ADGRV1: variants seen among roughly 807,000 people sequenced by gnomAD.
ADGRV1 encodes the protein G-protein coupled receptor 98.
In ADGRV1, 359 loss-of-function variants were observed where a neutral mutation model predicts 596.2. The observed-to-expected ratio is 0.60, with a 90% CI of 0.55 to 0.66. The LOEUF (loss-of-function observed/expected upper bound fraction) is 0.66. ADGRV1 is among the 30% of genes least tolerant of loss of function. The probability of loss-of-function intolerance (pLI) is 0.00; values close to 1 mark genes in which losing one functional copy is unlikely to be tolerated. For missense variants in ADGRV1, 7,274 were observed against 7,575.6 expected, an observed-to-expected ratio of 0.96 and a Z score of 1.48; for synonymous variants, 2,681 against 2,679.2, an observed-to-expected ratio of 1.00 and a Z score of -0.02.
chr5:90,924,475 G>T (rs1252961767), intron 83 of ADGRV1, among the ~76,000 whole-genome samples: 46 of 150,948 alleles, frequency 3.0e-4, no homozygotes, highest in African/African-American at 1.1e-3. Flanking sequence ...TTTTGAGGGG[G>T]TTGTTTTTTT....
At chr5:90,821,793 G>A (rs1252685514) in intron 75 of ADGRV1, among the ~76,000 whole-genome samples, 20 of 152,016 alleles carry the variant, frequency 1.3e-4, no homozygotes, top group Non-Finnish European at 2.1e-4. Flanking sequence ...CCAGCTGCGT[G>A]CTGGGAGAAC....
chr5:90,770,805 A>G (rs377617188), intron 59 of ADGRV1, among the ~76,000 whole-genome samples: 69 of 152,298 alleles, frequency 4.5e-4, no homozygotes, highest in African/African-American at 1.6e-3. Flanking sequence ...CCTACTTCCC[A>G]GAGGTAACCG....
chr5:90,785,846 T>TTCCTCAAGGATCTAGAAC (rs1484137363), intron 67 of ADGRV1, among the ~76,000 whole-genome samples: 1 of 152,206 alleles, frequency 6.6e-6, no homozygotes, highest in Non-Finnish European at 1.5e-5. Flanking sequence ...AGTGTGGCGA[T>TTCCTCAAGGATCTAGAAC]TCCTCAAGGA....
At chr5:90,640,799 CT>C in intron 11 of ADGRV1, 1 of 152,702 alleles carries the variant, frequency 6.5e-6, no homozygotes, top group Non-Finnish European at 1.5e-5. Context: ...GCCCTGCCTC[CT>C]TTTTCCCCTT....
intron 83 of ADGRV1, among the ~76,000 whole-genome samples, chr5:90,867,460 A>G (rs1768235524): frequency 6.6e-6 from 1 of 152,134 alleles, no homozygotes; most frequent in Non-Finnish European, 1.5e-5. Flanking sequence ...ATTCTGCAAC[A>G]TTTTGGGATG....
intron 87 of ADGRV1, among the ~76,000 whole-genome samples, chr5:91,131,891 T>A (rs969444832): frequency 1.3e-5 from 2 of 152,224 alleles, no homozygotes; most frequent in Non-Finnish European, 2.9e-5. Context: ...AAGAAGGGTA[T>A]TTCCTAAGTT....
chr5:90,595,365 G>A (rs1408787859), intron 1 of ADGRV1, among the ~76,000 whole-genome samples: 1 of 45,150 alleles, frequency 2.2e-5, no homozygotes, highest in African/African-American at 1.1e-4. Context: ...CCTCCCGGAC[G>A]GGGCGGCTGG....
At chr5:90,976,322 G>GTGTATATATATATATA (rs1420288881) in intron 84 of ADGRV1, among the ~76,000 whole-genome samples, 21 of 108,612 alleles carry the variant, frequency 1.9e-4, no homozygotes, top group African/African-American at 7.5e-4. Context: ...GTGTGTGTGT[G>GTGTATATATATATATA]TATATATATA....
intron 83 of ADGRV1, among the ~76,000 whole-genome samples, chr5:90,906,044 A>G (rs1003096616): frequency 3.9e-5 from 6 of 152,170 alleles, no homozygotes; most frequent in African/African-American, 1.4e-4. Context: ...TGATTTACCT[A>G]TATTGAACCA....
rs1776808358 is a variant in ADGRV1 at position 90,948,696 on chromosome 5, C to T, written c.17857-16719C>T. On this transcript the variant is annotated intron_variant, in intron 83 of 89. Coordinates refer to ENST00000405460, the MANE Select transcript of ADGRV1 (RefSeq NM_032119.4). ...ATAGCCTAACCTAGCCTACCTTAAA[C>T]AAGCTCTGACACTTACATTAGCCTA... is the stretch of plus-strand genomic sequence containing the variant. Among the ~76,000 whole-genome samples, 4 of 152,106 alleles carry T rather than the reference C, an allele frequency of 2.6e-5. No individual in the cohort carries two copies. In the South Asian group the frequency reaches 8.3e-4, roughly 31 times the overall value.
intron 87 of ADGRV1, among the ~76,000 whole-genome samples, chr5:91,143,845 G>A (rs1164947767): frequency 6.6e-6 from 1 of 152,296 alleles, no homozygotes; most frequent in Admixed American, 6.5e-5. Flanking sequence ...GTGCCTGCAG[G>A]CCAGTGCTGA....
intron 84 of ADGRV1, among the ~76,000 whole-genome samples, chr5:90,978,763 C>T (rs1001261639): frequency 6.6e-6 from 1 of 151,974 alleles, no homozygotes; most frequent in Non-Finnish European, 1.5e-5. Context: ...TTATTTTTAA[C>T]AAGGTGGCAT....
intron 85 of ADGRV1, among the ~76,000 whole-genome samples, chr5:91,009,127 A>G (rs918947832): frequency 6.6e-6 from 1 of 152,222 alleles, no homozygotes; most frequent in African/African-American, 2.4e-5. Context: ...AGTAAATCAC[A>G]GAGTAACACA....
intron 83 of ADGRV1, among the ~76,000 whole-genome samples, chr5:90,960,325 C>G (rs1188984698): frequency 2.0e-5 from 3 of 151,954 alleles, no homozygotes; most frequent in Non-Finnish European, 4.4e-5. Context: ...AAATGTGCAC[C>G]TTTTATTGTC....
intron 87 of ADGRV1, among the ~76,000 whole-genome samples, chr5:91,109,070 A>G (rs942572374): frequency 2.6e-5 from 4 of 152,228 alleles, no homozygotes; most frequent in Non-Finnish European, 1.5e-5. Context: ...TATTTTGCAA[A>G]GCATTATGGA....
At chr5:90,808,541 A>G (rs1272721891) in intron 73 of ADGRV1, among the ~76,000 whole-genome samples, 1 of 152,206 alleles carries the variant, frequency 6.6e-6, no homozygotes, top group East Asian at 1.9e-4. Context: ...GTTCATCCAG[A>G]GAACATATTT....
chr5:90,917,140 A>G (rs1773456496), intron 83 of ADGRV1, among the ~76,000 whole-genome samples: 1 of 152,228 alleles, frequency 6.6e-6, no homozygotes. Context: ...TGTAGCAATC[A>G]CAATACTATC....
chr5:90,616,403 A>G (rs552210077), intron 2 of ADGRV1, among the ~76,000 whole-genome samples: 50 of 152,250 alleles, frequency 3.3e-4, no homozygotes, highest in African/African-American at 1.2e-3. Context: ...TGATGACTAA[A>G]ACATTTGAAA....
intron 83 of ADGRV1, among the ~76,000 whole-genome samples, chr5:90,919,949 G>A (rs140988579): frequency 0.012 from 1,754 of 145,388 alleles, 30 homozygotes; most frequent in African/African-American, 0.042. Context: ...AGCCAAGATC[G>A]TGCCATTGCA....
Sources: gnomAD v4.1 joint callset for allele counts (sites outside exome capture counted in the v4.1 genomes callset) on GRCh38, gnomAD v4.1.1 for gene constraint, MANE v1.5 for transcripts, NCBI Gene and HGNC (gene_info 2026-07-23, HGNC 2026-07-21) for gene names.